The following SETD2 variants were observed in gnomAD, a reference collection of about 807,000 sequenced individuals.
SETD2 encodes the protein histone-lysine N-methyltransferase SETD2.
SETD2 carries 31 observed loss-of-function variants against 242.1 expected under a neutral mutation model. The observed-to-expected ratio is 0.13, with a 90% confidence interval of 0.10 to 0.17. SETD2 has a LOEUF of 0.17. Among genes scored for constraint, SETD2 ranks in the 10% least tolerant of loss-of-function variants. The probability of loss-of-function intolerance (pLI) is 1.00; values close to 1 mark genes in which losing one functional copy is unlikely to be tolerated. For missense variants in SETD2, 2,481 were observed against 3,046.3 expected, an observed-to-expected ratio of 0.81 and a Z score of 4.37; for synonymous variants, 1,006 against 1,066.5, an observed-to-expected ratio of 0.94 and a Z score of 1.11.
chr3:47,054,687 T>A (rs2039981301), intron 15 of SETD2, among the ~76,000 whole-genome samples: 1 of 152,142 alleles, frequency 6.6e-6, no homozygotes, highest in African/African-American at 2.4e-5. Context: ...ACTAGCCTTC[T>A]GTAACAACAG....
intron 1 of SETD2, among the ~76,000 whole-genome samples, chr3:47,151,517 T>C (rs139230880): frequency 6.6e-5 from 10 of 152,270 alleles, no homozygotes; most frequent in African/African-American, 2.2e-4. Context: ...TTTCATATCC[T>C]GACACCATCA....
At chr3:47,049,812 A>ATATATAAACTTATTCTATGAGTT (rs1290217554) in intron 15 of SETD2, among the ~76,000 whole-genome samples, 2 of 35,070 alleles carry the variant, frequency 5.7e-5, no homozygotes, top group Non-Finnish European at 7.0e-5. Context: ...TTTATATTAT[A>ATATATAAACTTATTCTATGAGTT]TATATTATAT....
Position 47,045,743 on chromosome 3 carries a change from T to TCAGG in SETD2, c.7098+740_7098+743dup, listed in dbSNP as rs2039495217. On this transcript the variant is annotated intron_variant, in intron 16 of 20. Coordinates refer to ENST00000409792, the MANE Select transcript of SETD2 (RefSeq NM_014159.7). ...CATAGTAAAATATAAAAATACAAGG[T>TCAGG]CAGGGTAAACAACAAATAAAAAGGA... is the stretch of plus-strand genomic sequence containing the variant. Among the ~76,000 whole-genome samples, 6 of 147,602 alleles carry TCAGG rather than the reference T, an allele frequency of 4.1e-5. No homozygotes were observed. The South Asian group carries it at 1.3e-3, about 32-fold the overall frequency.
In SETD2 at chr3:47,084,272, C is replaced by A; in HGVS notation, c.5508G>T (p.Pro1836=). Residue 1836 remains proline (P), a synonymous_variant, in exon 12 of 21, where the codon CCG becomes CCT. Coordinates refer to ENST00000409792, the MANE Select transcript of SETD2 (RefSeq NM_014159.7). ...RWSQTKTAVP[P]LSEGDGYSSE... is the part of the protein sequence containing the mutation. ...TAGAATACCCATCTCCTTCACTCAA[C>A]GGAGGGACAGCAGTCTTAGTCTGAG... is the stretch of plus-strand genomic sequence containing the variant. The A allele has an allele frequency of 1.2e-6, 2 of 1,613,998 alleles. No homozygotes were observed. Among genetic ancestry groups the A allele is most frequent in the Non-Finnish European group, 1.7e-6 (2 of 1,179,962 alleles).
intron 14 of SETD2, among the ~76,000 whole-genome samples, chr3:47,059,859 C>G (rs1288240034): frequency 6.6e-6 from 1 of 152,180 alleles, no homozygotes; most frequent in Non-Finnish European, 1.5e-5. Context: ...TCTCACCTCA[C>G]TGCAACCTCT....
chr3:47,051,654 A>T lies in SETD2; in HGVS notation c.6964-5033T>A, dbSNP rs187065907. On this transcript the variant is annotated intron_variant, in intron 15 of 20. Transcript: ENST00000409792. ...AATGGGTTTCATAATTACCTAACAT[A>T]TTTTGAGTGTGAACATTTAATATTC... is the stretch of plus-strand genomic sequence containing the variant. Among the ~76,000 whole-genome samples, 121 of 152,166 alleles carry T rather than the reference A, an allele frequency of 8.0e-4. 1 individual carries two copies. The East Asian group carries it at 0.019, about 24-fold the overall frequency.
rs1422694442 is a variant in SETD2, at chr3:47,122,993, T to C, written c.1643A>G (p.His548Arg). 6.2e-6 allele frequency: 10 copies of C among 1,613,938 alleles called. No homozygotes were observed. The highest frequency in any genetic ancestry group is 8.5e-6 in the Non-Finnish European group (10 of 1,179,788). ...TTTATAACGGGAAGCACTACTGTCA[T>C]GCTTAGAATATGATGACCCTCGTCG... ...GFRRGSSYSK[H>R]DSSASRYKST... The change falls in exon 3 of 21, where the codon CAT becomes CGT. Residue 548 changes from histidine to arginine, a missense_variant. Coordinates refer to ENST00000409792, the MANE Select transcript of SETD2 (RefSeq NM_014159.7).
intron 17 of SETD2, among the ~76,000 whole-genome samples, chr3:47,040,857 G>A (rs1281772343): frequency 6.6e-6 from 1 of 152,126 alleles, no homozygotes; most frequent in African/African-American, 2.4e-5. Flanking sequence ...ATAGGCATGA[G>A]CTGCTGTACA....
At chr3:47,124,575 C>T (rs1328043252) in intron 2 of SETD2, 27 bp from the exon 3 acceptor site, 2 of 1,508,104 alleles carry the variant, frequency 1.3e-6, no homozygotes, top group African/African-American at 2.8e-5. Context: ...TAAGCAATTA[C>T]TACTACAATA....
intron 5 of SETD2, among the ~76,000 whole-genome samples, chr3:47,110,957 C>A (rs1245916087): frequency 6.6e-6 from 1 of 151,626 alleles, no homozygotes; most frequent in Non-Finnish European, 1.5e-5. Context: ...TTGCAAGTAA[C>A]AGAATTTAGA....
At chr3:47,019,283 AAGAGTTCT>A (rs2038114928) in intron 19 of SETD2, among the ~76,000 whole-genome samples, 1 of 152,224 alleles carries the variant, frequency 6.6e-6, no homozygotes, top group African/African-American at 2.4e-5. Flanking sequence ...TCTGAACCTT[AAGAGTTCT>A]TTCACCTGAA....
intron 1 of SETD2, 78 bp downstream of exon 1, chr3:47,163,776 C>T: frequency 2.4e-6 from 3 of 1,227,852 alleles, no homozygotes; most frequent in Non-Finnish European, 3.1e-6. Flanking sequence ...GCCCGCGCCG[C>T]CACCCGTCAG....
intron 15 of SETD2, among the ~76,000 whole-genome samples, chr3:47,053,398 C>A (rs913223663): frequency 6.6e-6 from 1 of 152,078 alleles, no homozygotes; most frequent in Non-Finnish European, 1.5e-5. Flanking sequence ...TTTGCACCAA[C>A]CTAAAATGAA....
chr3:47,089,133 T>A (rs778360813), intron 9 of SETD2, among the ~76,000 whole-genome samples: 3 of 152,162 alleles, frequency 2.0e-5, no homozygotes, highest in African/African-American at 7.2e-5. Flanking sequence ...GTGATACATA[T>A]GTGAAAAACT....
intron 10 of SETD2, among the ~76,000 whole-genome samples, chr3:47,087,344 G>A (rs1027941266): frequency 6.6e-6 from 1 of 152,140 alleles, no homozygotes; most frequent in Non-Finnish European, 1.5e-5. Context: ...AACTGGGTGG[G>A]GGATGGATTC....
At chr3:47,087,714 C>T (rs945394886) in intron 10 of SETD2, among the ~76,000 whole-genome samples, 2 of 152,198 alleles carry the variant, frequency 1.3e-5, no homozygotes, top group South Asian at 2.1e-4. Context: ...CGCCTGTAAT[C>T]CCAGCATTCT....
chr3:47,118,150 A>C (rs929769394), intron 3 of SETD2, among the ~76,000 whole-genome samples: 7 of 152,208 alleles, frequency 4.6e-5, no homozygotes, highest in African/African-American at 1.7e-4. Context: ...TTAAAGACAC[A>C]ATTCGTTAAT....
chr3:47,018,376 G>A (rs919766450), intron 19 of SETD2, among the ~76,000 whole-genome samples: 1 of 152,162 alleles, frequency 6.6e-6, no homozygotes, highest in African/African-American at 2.4e-5. Context: ...AGAGGTATTT[G>A]TGGTGCTAAG....
At position 47,017,749 on chromosome 3, in the gene SETD2, G is replaced by A. The variant is rs374312905; in HGVS notation, c.7432-10C>T. The A allele has an allele frequency of 1.3e-4, 208 of 1,595,494 alleles. No homozygotes were observed. The highest frequency in any genetic ancestry group is 1.7e-4 in the Non-Finnish European group (203 of 1,162,998). ...CGATGAACTGGGACATCTGCAGGCA[G>A]AGAAAAGAGAACACGTTGCTCAACA... On this transcript the variant is annotated splice_polypyrimidine_tract_variant and intron_variant, in intron 19 of 20. Transcript: ENST00000409792. The surrounding 1 kb of genome is among the most constrained non-coding windows in gnomAD (Gnocchi z 4.8).
Sources: allele counts gnomAD v4.1 joint callset (sites outside exome capture counted in the v4.1 genomes callset), GRCh38; gene constraint gnomAD v4.1.1; non-coding constraint Gnocchi (gnomAD v3.1); transcripts MANE v1.5; gene names NCBI Gene and HGNC (gene_info 2026-07-23, HGNC 2026-07-21).